CEP128: variants seen among roughly 807,000 people sequenced by gnomAD.
CEP128 encodes centrosomal protein 128kDa.
A neutral mutation model predicts 156.7 loss-of-function variants in CEP128; 132 were observed. The ratio of observed to expected loss-of-function variants is 0.84; its 90% CI spans 0.73 to 0.97. CEP128 has a LOEUF of 0.97. Ranked by LOEUF, CEP128 falls within the 50% of genes least tolerant of loss-of-function variation. The pLI is 0.00. For synonymous variants in CEP128, 469 were observed against 448.9 expected, an observed-to-expected ratio of 1.04 and a Z score of -0.57; for missense variants, 1,252 against 1,281.9, an observed-to-expected ratio of 0.98 and a Z score of 0.36.
At chr14:80,837,850 T>C (rs1176877063) in intron 11 of CEP128, among the ~76,000 whole-genome samples, 1 of 152,256 alleles carries the variant, frequency 6.6e-6, no homozygotes, top group Non-Finnish European at 1.5e-5. Flanking sequence ...AGTTTACTTC[T>C]TCCTTTACTT....
intron 13 of CEP128, among the ~76,000 whole-genome samples, chr14:80,800,166 C>A (rs1883758722): frequency 1.3e-5 from 2 of 152,140 alleles, no homozygotes; most frequent in Admixed American, 1.3e-4. Context: ...CTGTAAAATT[C>A]CTCTCTTTGT....
intron 21 of CEP128, among the ~76,000 whole-genome samples, chr14:80,553,429 C>T (rs992672456): frequency 3.9e-5 from 6 of 152,128 alleles, no homozygotes; most frequent in South Asian, 2.1e-4. Flanking sequence ...GTATGTGATG[C>T]CATTTGTGTC....
intron 19 of CEP128, among the ~76,000 whole-genome samples, chr14:80,646,815 A>C (rs1178784795): frequency 6.6e-6 from 1 of 151,366 alleles, no homozygotes; most frequent in Non-Finnish European, 1.5e-5. Context: ...TGCACCATAA[A>C]TTATTTAGCA....
chr14:80,877,529 C>T (rs1853832596), intron 8 of CEP128, among the ~76,000 whole-genome samples: 1 of 152,128 alleles, frequency 6.6e-6, no homozygotes, highest in Admixed American at 6.5e-5. Flanking sequence ...TTTTCTCCAC[C>T]ACAAGAAAAG....
intron 19 of CEP128, among the ~76,000 whole-genome samples, chr14:80,620,099 T>G (rs1215867368): frequency 1.3e-5 from 2 of 151,986 alleles, no homozygotes; most frequent in Admixed American, 1.3e-4. Context: ...CACTCCAGCC[T>G]GGATGACAAG....
intron 13 of CEP128, among the ~76,000 whole-genome samples, chr14:80,800,242 T>C (rs976816987): frequency 2.0e-5 from 3 of 152,160 alleles, no homozygotes; most frequent in African/African-American, 4.8e-5. Flanking sequence ...GTTCCCCCGA[T>C]ACAATGTCAC....
Position 80,527,048 on chromosome 14 carries a change from A to T in CEP128, c.2959-66T>A, listed in dbSNP as rs559444488. ...AAAGAAAATCAGTGCTTGAAATTAGAGTAAGAAAGAGTCTATATGTAGATA... is the reference window on the plus strand; with the variant it reads ...AAAGAAAATCAGTGCTTGAAATTAGTGTAAGAAAGAGTCTATATGTAGATA... On this transcript the variant is annotated intron_variant, in intron 22 of 24. Transcript: ENST00000555265. 1.5e-4 allele frequency: 114 copies of T among 740,936 alleles called. 4 individuals carry two copies. In the South Asian group the frequency reaches 1.8e-3, roughly 12 times the overall value. The allele number at this position is 740,936 out of a possible 1,614,324, so 45.9% of individuals were successfully genotyped here.
chr14:80,689,651 T>G (rs1283479127), intron 19 of CEP128, among the ~76,000 whole-genome samples: 1 of 152,186 alleles, frequency 6.6e-6, no homozygotes, highest in African/African-American at 2.4e-5. Context: ...TTGAAGAGTT[T>G]AAACAATACT....
At chr14:80,914,069 C>T (rs1187892278) in intron 4 of CEP128, among the ~76,000 whole-genome samples, 1 of 152,150 alleles carries the variant, frequency 6.6e-6, no homozygotes, top group African/African-American at 2.4e-5. Flanking sequence ...TACCAAGTCT[C>T]CATTAAATTC....
chr14:80,732,012 G>GA (rs565300744), intron 19 of CEP128, among the ~76,000 whole-genome samples: 247 of 151,362 alleles, frequency 1.6e-3, no homozygotes, highest in African/African-American at 5.7e-3. Context: ...ATAATAAATG[G>GA]AAAAAAAAGA....
intron 17 of CEP128, among the ~76,000 whole-genome samples, chr14:80,757,464 C>T (rs8017943): frequency 0.33 from 50,781 of 152,088 alleles, 9,655 homozygotes; most frequent in Non-Finnish European, 0.43. Context: ...GCAAACATTG[C>T]CTTGTATTTC....
At chr14:80,607,636 C>T (rs1464969065) in intron 19 of CEP128, among the ~76,000 whole-genome samples, 1 of 152,044 alleles carries the variant, frequency 6.6e-6, no homozygotes, top group Non-Finnish European at 1.5e-5. Flanking sequence ...TTCCAAAAAG[C>T]TTTCAGGAAC....
At chr14:80,503,801 C>A (rs187569983) in intron 24 of CEP128, among the ~76,000 whole-genome samples, 1 of 152,250 alleles carries the variant, frequency 6.6e-6, no homozygotes, top group African/African-American at 2.4e-5. Context: ...GATACAAAAT[C>A]ACTTGGGAAA....
chr14:80,789,089 A>G (rs969524320), intron 14 of CEP128, among the ~76,000 whole-genome samples: 4 of 152,194 alleles, frequency 2.6e-5, no homozygotes, highest in African/African-American at 9.7e-5. Flanking sequence ...AAGGAGTGGA[A>G]AAAGTGGAAA....
At chr14:80,615,032 T>C (rs1295667208) in intron 19 of CEP128, among the ~76,000 whole-genome samples, 1 of 152,202 alleles carries the variant, frequency 6.6e-6, no homozygotes, top group Non-Finnish European at 1.5e-5. Flanking sequence ...GACTCACATA[T>C]AATAAACACT....
At chr14:80,547,160 A>T (rs1890019864) in intron 21 of CEP128, among the ~76,000 whole-genome samples, 1 of 152,164 alleles carries the variant, frequency 6.6e-6, no homozygotes, top group Admixed American at 6.5e-5. Flanking sequence ...GGGCAGGCCA[A>T]CTCTTCAACA....
chr14:80,597,972 A>AAAAG, intron 19 of CEP128, among the ~76,000 whole-genome samples: 1 of 149,616 alleles, frequency 6.7e-6, no homozygotes, highest in Non-Finnish European at 1.5e-5. Context: ...AAAAAAAAAC[A>AAAAG]AAACCCTATG....
intron 23 of CEP128, chr14:80,514,795 T>A (rs951518779): frequency 4.4e-5 from 10 of 227,630 alleles, no homozygotes; most frequent in Admixed American, 3.4e-4. Flanking sequence ...TGTCGATGTC[T>A]GAGCCCTGAA....
intron 20 of CEP128, among the ~76,000 whole-genome samples, chr14:80,572,985 C>T (rs1450718579): frequency 3.3e-5 from 5 of 152,154 alleles, no homozygotes; most frequent in Admixed American, 1.3e-4. Flanking sequence ...TGCAATGGCG[C>T]GATCTCGGCT....
Sources: gnomAD v4.1 joint callset for allele counts (sites outside exome capture counted in the v4.1 genomes callset) on GRCh38, gnomAD v4.1.1 for gene constraint, MANE v1.5 for transcripts, NCBI Gene and HGNC (gene_info 2026-07-23, HGNC 2026-07-21) for gene names.